Variants in GPR137B observed in about 807,000 individuals in gnomAD.
GPR137B encodes the protein integral membrane protein GPR137B.
Under a neutral mutation model 42.5 loss-of-function variants are expected in GPR137B, and 42 were observed. The ratio of observed to expected loss-of-function variants is 0.99; its 90% CI spans 0.77 to 1.28. The LOEUF is 1.28. Ranked by LOEUF, GPR137B falls within the 50% of genes most tolerant of loss-of-function variation. The pLI is 0.00. For missense variants in GPR137B, 487 were observed against 493.9 expected, an observed-to-expected ratio of 0.99 and a Z score of 0.13; for synonymous variants, 218 against 209.7, an observed-to-expected ratio of 1.04 and a Z score of -0.34.
chr1:236,144,086 CTTTT>C (rs56006687), intron 1 of GPR137B, among the ~76,000 whole-genome samples: 3 of 145,214 alleles, frequency 2.1e-5, no homozygotes, highest in African/African-American at 5.0e-5. Context: ...TTTTAAGTGT[CTTTT>C]TTTTTTTTTT....
intron 1 of GPR137B, among the ~76,000 whole-genome samples, chr1:236,162,661 G>A (rs1176680570): frequency 1.3e-5 from 2 of 152,316 alleles, no homozygotes; most frequent in East Asian, 3.9e-4. Context: ...CGTAGAGCTC[G>A]GGCTGTGGCT....
chr1:236,157,518 G>A (rs908924638), intron 1 of GPR137B, among the ~76,000 whole-genome samples: 4 of 152,060 alleles, frequency 2.6e-5, no homozygotes, highest in Non-Finnish European at 4.4e-5. Flanking sequence ...CACTGTGCCC[G>A]GCCCGATTCC....
At chr1:236,180,886 G>C (rs1662852371) in intron 4 of GPR137B, among the ~76,000 whole-genome samples, 1 of 152,118 alleles carries the variant, frequency 6.6e-6, no homozygotes, top group African/African-American at 2.4e-5. Flanking sequence ...CACAGTGCTA[G>C]GATTACAGGC....
At position 236,156,299 on chromosome 1, in the gene GPR137B, C is replaced by T. The variant is rs192082547; in HGVS notation, c.415-12407C>T. Among the ~76,000 whole-genome samples the T allele has an allele frequency of 6.0e-4, 92 of 152,308 alleles. No homozygotes were observed. Among genetic ancestry groups the T allele is most frequent in the African/African-American group, 1.9e-3 (81 of 41,568 alleles). On this transcript the variant is annotated intron_variant, in intron 1 of 6. Transcript: ENST00000366592. This position sits in a 1 kb window ranked among gnomAD's most constrained non-coding sequence, Gnocchi z 4.8. ...TGCGGTGAACACCTGACCATGTATT[C>T]CAGTGACCCCTCTCACACCTGGCCA...
intron 5 of GPR137B, among the ~76,000 whole-genome samples, chr1:236,197,682 G>C (rs1663378587): frequency 6.6e-6 from 1 of 152,106 alleles, no homozygotes. Context: ...TGTTGTTGAA[G>C]ATCAGTTGTC....
At chr1:236,182,458 C>A (rs1356868680) in intron 4 of GPR137B, among the ~76,000 whole-genome samples, 1 of 151,810 alleles carries the variant, frequency 6.6e-6, no homozygotes, top group Non-Finnish European at 1.5e-5. Context: ...TTAAAAACAA[C>A]AAAAAAAATT....
At position 236,142,826 on chromosome 1, in the gene GPR137B, G is replaced by C; in HGVS notation, c.204G>C (p.Leu68=). ...VFIYVQLWLV[L]RYRHKRLSYQ... The stretch of plus-strand genomic sequence containing the variant: ...TCTACGTGCAGCTCTGGCTGGTGCT[G>C]CGTTACCGCCACAAGCGGCTCAGCT... Residue 68 remains leucine (L), a synonymous_variant, in exon 1 of 7, where the codon CTG becomes CTC. Coordinates refer to ENST00000366592, the MANE Select transcript of GPR137B (RefSeq NM_003272.4). 6.2e-7 allele frequency: 1 copy of C among 1,614,066 alleles called. No individual in the cohort carries two copies. Among genetic ancestry groups the C allele is most frequent in the South Asian group, 1.1e-5 (1 of 91,090 alleles).
intron 1 of GPR137B, among the ~76,000 whole-genome samples, chr1:236,153,103 TA>T (rs1054136922): frequency 2.0e-5 from 3 of 147,484 alleles, no homozygotes; most frequent in African/African-American, 5.0e-5. Context: ...AAAAACCAAA[TA>T]AAAAAAAGAC....
intron 6 of GPR137B, among the ~76,000 whole-genome samples, chr1:236,205,577 T>C (rs1210929718): frequency 6.6e-6 from 1 of 152,226 alleles, no homozygotes; most frequent in African/African-American, 2.4e-5. Context: ...TCTCACTCTG[T>C]TGCCCGGCTG....
chr1:236,205,964 C>T (rs1214773840), intron 6 of GPR137B, among the ~76,000 whole-genome samples: 1 of 152,194 alleles, frequency 6.6e-6, no homozygotes, highest in Non-Finnish European at 1.5e-5. Flanking sequence ...TATCTTTAAT[C>T]ACATGTTCTA....
intron 2 of GPR137B, among the ~76,000 whole-genome samples, chr1:236,172,743 G>T (rs1662574921): frequency 6.6e-6 from 1 of 150,428 alleles, no homozygotes; most frequent in African/African-American, 2.4e-5. Flanking sequence ...CAGTGGCGGT[G>T]GTGCAATCAT....
At chr1:236,203,827 ACT>A (rs1663574081) in intron 5 of GPR137B, among the ~76,000 whole-genome samples, 1 of 152,140 alleles carries the variant, frequency 6.6e-6, no homozygotes, top group African/African-American at 2.4e-5. Context: ...TAGAAATGCT[ACT>A]GATTTTTTGT....
At chr1:236,178,312 C>G in intron 2 of GPR137B, 102 bp from the exon 3 acceptor site, 9 of 718,140 alleles carry the variant, frequency 1.3e-5, no homozygotes, top group South Asian at 1.2e-4. Context: ...TTAAATGTCA[C>G]CTTTGGTGTG....
chr1:236,165,638 C>T (rs984859467), intron 1 of GPR137B, among the ~76,000 whole-genome samples: 1 of 152,140 alleles, frequency 6.6e-6, no homozygotes, highest in African/African-American at 2.4e-5. Context: ...GGTTCCATAG[C>T]GCAGTGCTTC....
In GPR137B at chr1:236,208,758, G is replaced by T; in HGVS notation, c.*600G>T. 1 of 985,276 alleles carries T rather than the reference G, an allele frequency of 1.0e-6. No homozygotes were observed. The highest frequency in any genetic ancestry group is 1.2e-6 in the Non-Finnish European group (1 of 829,850). The allele number at this position is 985,276 out of a possible 1,614,324, so 61.0% of individuals were successfully genotyped here. ...TAGAGATTTTTTTTTTAAGGTTCAG[G>T]CCGTAGGTTCCTCAAGGAATCTCTT... On this transcript the variant is annotated 3_prime_UTR_variant, in exon 7 of 7. Coordinates refer to ENST00000366592, the MANE Select transcript of GPR137B (RefSeq NM_003272.4).
At chr1:236,187,018 C>T (rs1663055033) in intron 5 of GPR137B, among the ~76,000 whole-genome samples, 1 of 152,162 alleles carries the variant, frequency 6.6e-6, no homozygotes, top group Non-Finnish European at 1.5e-5. Flanking sequence ...TCTGTTGTTT[C>T]CTGACTTTTT....
chr1:236,166,905 G>A (rs947721359), intron 1 of GPR137B, among the ~76,000 whole-genome samples: 17 of 152,108 alleles, frequency 1.1e-4, no homozygotes, highest in African/African-American at 4.1e-4. Context: ...TCCCATTTCA[G>A]CCTCCTCCCT....
At chr1:236,207,981 C>A in intron 6 of GPR137B, 69 bp from the exon 7 acceptor site, 1 of 1,139,698 alleles carries the variant, frequency 8.8e-7, no homozygotes, top group Non-Finnish European at 1.3e-6. Context: ...GCTCTGTCTA[C>A]CTAAACTAGA....
At chr1:236,203,406 G>T (rs930075934) in intron 5 of GPR137B, among the ~76,000 whole-genome samples, 1 of 152,116 alleles carries the variant, frequency 6.6e-6, no homozygotes, top group Non-Finnish European at 1.5e-5. Context: ...CCAGTACCAT[G>T]CTGTTTTAGT....
Sources: gnomAD v4.1 joint callset for allele counts (sites outside exome capture counted in the v4.1 genomes callset) on GRCh38, gnomAD v4.1.1 for gene constraint, Gnocchi (gnomAD v3.1) non-coding constraint, MANE v1.5 for transcripts, NCBI Gene and HGNC (gene_info 2026-07-23, HGNC 2026-07-21) for gene names.